Variants in VOPP1 observed in about 807,000 individuals in gnomAD.
The protein encoded by VOPP1 is WW domain binding protein VOPP1.
In VOPP1, 8 loss-of-function variants were observed where a neutral mutation model predicts 23.5. The ratio of observed to expected loss-of-function variants is 0.34; its 90% confidence interval spans 0.20 to 0.61. The LOEUF (loss-of-function observed/expected upper bound fraction) is 0.61, where lower values mean the gene tolerates loss of function less well. Ranked by LOEUF, VOPP1 falls within the 20% of genes least tolerant of loss-of-function variation. The pLI is 0.78. For missense variants in VOPP1, 174 were observed against 238.1 expected (o/e 0.73, Z 1.77); for synonymous variants, 83 against 97.3 (o/e 0.85, Z 0.86).
At chr7:55,453,228 G>A (rs907486330) in intron 4 of VOPP1, among the ~76,000 whole-genome samples, 6 of 152,132 alleles carry the variant, frequency 3.9e-5, no homozygotes, top group Admixed American at 1.3e-4. Context: ...TTTTTCTGCA[G>A]TTTCCTCACC....
At chr7:55,519,653 C>G (rs768445886) in intron 2 of VOPP1, among the ~76,000 whole-genome samples, 3 of 152,234 alleles carry the variant, frequency 2.0e-5, no homozygotes, top group Non-Finnish European at 2.9e-5. Flanking sequence ...GTTTTATTTT[C>G]CAAGTGGGGT....
chr7:55,561,571 T>C (rs1797987107), intron 1 of VOPP1, among the ~76,000 whole-genome samples: 1 of 151,410 alleles, frequency 6.6e-6, no homozygotes, highest in South Asian at 2.1e-4. Flanking sequence ...TAAGTGGGCG[T>C]GCTGGTGGGC....
intron 1 of VOPP1, chr7:55,537,662 A>C (rs1002987914): frequency 2.1e-5 from 31 of 1,503,110 alleles, no homozygotes; most frequent in Non-Finnish European, 2.7e-5. Context: ...CAGACCCTGC[A>C]GTATCCTCCT....
In VOPP1 at chr7:55,572,275, A is replaced by T; in HGVS notation, c.50T>A (p.Leu17Ter). The part of the protein sequence containing the change: ...KVAALLLGLL[L>*]ECTEAKKHCW... Reference sequence around the variant, plus strand: ...CACCCGGTCCCCGGCCCCTACCTCCAAGAGCAGCCCGAGCAGCAGCGCCGC... The same window carrying T: ...CACCCGGTCCCCGGCCCCTACCTCCTAGAGCAGCCCGAGCAGCAGCGCCGC... Residue 17 changes from leucine (L) to a stop codon, truncating the protein, a stop_gained, in exon 1 of 5, where the codon TTG (leucine) becomes TAG (stop). Transcript: ENST00000285279. LOFTEE classifies it high-confidence loss of function. The T allele has an allele frequency of 6.6e-7, 1 of 1,524,694 alleles. No individual in the cohort carries two copies. Among genetic ancestry groups the T allele is most frequent in the Non-Finnish European group, 8.7e-7 (1 of 1,146,144 alleles). 94.4% of individuals were successfully genotyped at this position (1,524,694 alleles called of 1,614,324 possible).
At chr7:55,479,150 C>CT (rs56389484) in intron 4 of VOPP1, among the ~76,000 whole-genome samples, 269 of 145,622 alleles carry the variant, frequency 1.8e-3, no homozygotes, top group Middle Eastern at 0.011. Flanking sequence ...AGAACATTTT[C>CT]TTTTTTTTTT....
intron 1 of VOPP1, among the ~76,000 whole-genome samples, 153 bp from the exon 2 acceptor site, chr7:55,521,283 G>A (rs1795835780): frequency 6.6e-6 from 1 of 152,060 alleles, no homozygotes; most frequent in Non-Finnish European, 1.5e-5. Context: ...AGGGAGAGCC[G>A]CCCCCTTTCT....
chr7:55,503,578 G>A (rs1794511678), intron 2 of VOPP1, among the ~76,000 whole-genome samples: 2 of 152,256 alleles, frequency 1.3e-5, no homozygotes, highest in African/African-American at 4.8e-5. Context: ...GATGGAAAGT[G>A]TCTCCCCTAG....
intron 4 of VOPP1, among the ~76,000 whole-genome samples, chr7:55,479,981 C>T (rs916048297): frequency 2.6e-5 from 4 of 152,176 alleles, no homozygotes; most frequent in Non-Finnish European, 5.9e-5. Context: ...ATGTTAATTG[C>T]GTGCCTAAAA....
intron 1 of VOPP1, among the ~76,000 whole-genome samples, chr7:55,528,933 T>A (rs1230262383): frequency 6.6e-6 from 1 of 152,176 alleles, no homozygotes; most frequent in Non-Finnish European, 1.5e-5. Context: ...AATGTAAAAA[T>A]AAACATATTC....
intron 1 of VOPP1, among the ~76,000 whole-genome samples, chr7:55,543,245 A>G (rs943142616): frequency 6.6e-6 from 1 of 152,162 alleles, no homozygotes; most frequent in African/African-American, 2.4e-5. Context: ...TGGCTTTATA[A>G]TATTCCATTG....
At chr7:55,544,874 T>C (rs947678295) in intron 1 of VOPP1, among the ~76,000 whole-genome samples, 1 of 152,210 alleles carries the variant, frequency 6.6e-6, no homozygotes, top group Non-Finnish European at 1.5e-5. Context: ...CAGCAAAACG[T>C]AGTCAAAATA....
At chr7:55,488,603 C>G (rs757237524) in intron 4 of VOPP1, among the ~76,000 whole-genome samples, 13 of 152,162 alleles carry the variant, frequency 8.5e-5, no homozygotes, top group Non-Finnish European at 1.6e-4. Flanking sequence ...TCTCTGCTTT[C>G]CCATGCTCAT....
chr7:55,532,419 A>G (rs7784952), intron 1 of VOPP1, among the ~76,000 whole-genome samples: 49,372 of 152,166 alleles, frequency 0.32, 8,258 homozygotes, highest in Middle Eastern at 0.41. Context: ...CACTATTCTA[A>G]GAGCCTCCTG....
intron 4 of VOPP1, among the ~76,000 whole-genome samples, chr7:55,457,093 C>A (rs1490585388): frequency 6.6e-6 from 1 of 152,140 alleles, no homozygotes; most frequent in Admixed American, 6.5e-5. Flanking sequence ...GTCGCCCCAA[C>A]CCCTGCAACT....
At chr7:55,508,786 T>C (rs2129033153) in intron 2 of VOPP1, among the ~76,000 whole-genome samples, 1 of 152,334 alleles carries the variant, frequency 6.6e-6, no homozygotes, top group South Asian at 2.1e-4. Context: ...CTCTGGAAGG[T>C]GTTTTTCATT....
chr7:55,547,366 T>C (rs1021370587), intron 1 of VOPP1, among the ~76,000 whole-genome samples: 2 of 152,232 alleles, frequency 1.3e-5, no homozygotes, highest in African/African-American at 4.8e-5. Flanking sequence ...CAAGGCTTTC[T>C]AAGGTTGATG....
intron 1 of VOPP1, chr7:55,561,952 G>A (rs1562632079): frequency 1.4e-6 from 1 of 703,330 alleles, no homozygotes; most frequent in Admixed American, 2.0e-5. Flanking sequence ...AAAACAGGAA[G>A]TGAAAGTATG....
At chr7:55,511,830 C>CA (rs1395993238) in intron 2 of VOPP1, among the ~76,000 whole-genome samples, 12 of 152,180 alleles carry the variant, frequency 7.9e-5, no homozygotes, top group Admixed American at 7.9e-4. Context: ...AGCAGTGCCC[C>CA]AACTGCCTTG....
At chr7:55,556,594 C>T (rs1797813211) in intron 1 of VOPP1, among the ~76,000 whole-genome samples, 1 of 151,408 alleles carries the variant, frequency 6.6e-6, no homozygotes, top group African/African-American at 2.4e-5. Flanking sequence ...TAAGAACATA[C>T]TCTGAAGTCT....
Sources: gnomAD v4.1 joint callset for allele counts (sites outside exome capture counted in the v4.1 genomes callset) on GRCh38, gnomAD v4.1.1 for gene constraint, MANE v1.5 for transcripts, NCBI Gene and HGNC (gene_info 2026-07-23, HGNC 2026-07-21) for gene names.